HPSE2: variants seen among roughly 807,000 people sequenced by gnomAD.
HPSE2 encodes the protein inactive heparanase-2.
HPSE2 carries 38 observed loss-of-function variants against 60.5 expected under a neutral mutation model. The ratio of observed to expected loss-of-function variants is 0.63; its 90% CI spans 0.48 to 0.82. HPSE2 has a LOEUF of 0.82. Ranked by LOEUF, HPSE2 falls within the 40% of genes least tolerant of loss-of-function variation. The pLI, the probability that HPSE2 is intolerant of heterozygous loss-of-function variation, is 0.00. For missense variants in HPSE2, 713 were observed against 740.4 expected (o/e 0.96, Z 0.43); for synonymous variants, 295 against 293.2 (o/e 1.01, Z -0.06).
chr10:99,296,355 G>GC, the HPSE2 span, among the ~76,000 whole-genome samples: 16 of 152,174 alleles, frequency 1.1e-4, no homozygotes, highest in Middle Eastern at 3.4e-3. Context: ...TCAATCAGAT[G>GC]CCCCCCCAAC....
rs1209249100 is a variant in HPSE2 at position 98,700,898 on chromosome 10, A to G, written c.957-6951T>C. On this transcript the variant is annotated intron_variant, in intron 5 of 11. Transcript: ENST00000370552. The stretch of plus-strand genomic sequence containing the variant: ...AAAAACACATGAAAAAATGCTCACC[A>G]TCACTGGCCATCAGAGAAATGCAAA... Among the ~76,000 whole-genome samples the G allele has an allele frequency of 3.2e-4, 21 of 66,426 alleles. 7 individuals are homozygous for G. The highest frequency in any genetic ancestry group is 6.9e-4 in the African/African-American group (21 of 30,384). The allele number at this position is 66,426 out of a possible 152,430, so 43.6% of individuals were successfully genotyped here.
At chr10:98,629,278 C>G (rs1174270745) in intron 7 of HPSE2, among the ~76,000 whole-genome samples, 1 of 152,196 alleles carries the variant, frequency 6.6e-6, no homozygotes, top group Non-Finnish European at 1.5e-5. Context: ...TCAACCTTCC[C>G]CAGAATTTCA....
At chr10:98,616,578 T>A (rs898737586) in intron 8 of HPSE2, among the ~76,000 whole-genome samples, 1 of 152,210 alleles carries the variant, frequency 6.6e-6, no homozygotes, top group Non-Finnish European at 1.5e-5. Context: ...TAAATATTAT[T>A]CCTATATTTA....
chr10:99,313,986 T>C, the HPSE2 span, among the ~76,000 whole-genome samples: 3 of 152,056 alleles, frequency 2.0e-5, no homozygotes, highest in African/African-American at 7.2e-5. Flanking sequence ...TTTAAGTGAA[T>C]AGAAGCAAAC....
At chr10:98,952,704 G>A (rs1005781768) in intron 3 of HPSE2, among the ~76,000 whole-genome samples, 1 of 152,102 alleles carries the variant, frequency 6.6e-6, no homozygotes, top group Non-Finnish European at 1.5e-5. Flanking sequence ...TCCAAGACCA[G>A]GGTGCTAGTA....
intron 3 of HPSE2, among the ~76,000 whole-genome samples, chr10:99,137,484 C>A (rs1845702748): frequency 6.6e-6 from 1 of 152,200 alleles, no homozygotes; most frequent in Non-Finnish European, 1.5e-5. Context: ...TGCTACCTGA[C>A]TTCAAATTAT....
rs564388230 is a variant in HPSE2 at position 98,505,830 on chromosome 10, C to T, written c.1321-15634G>A. Among the ~76,000 whole-genome samples the T allele has an allele frequency of 9.9e-4, 150 of 152,252 alleles. No homozygotes were observed. In the Middle Eastern group the frequency reaches 0.014, roughly 14 times the overall value. On this transcript the variant is annotated intron_variant, in intron 9 of 11. Transcript: ENST00000370552. ...AATGCCCCGTGTCCTGTATTAAACTCCCACATATTCATGAGTCTGTTTCTG... is the reference window on the plus strand; with the variant it reads ...AATGCCCCGTGTCCTGTATTAAACTTCCACATATTCATGAGTCTGTTTCTG...
chr10:98,662,137 C>T (rs1035015548), intron 6 of HPSE2, among the ~76,000 whole-genome samples: 3 of 152,166 alleles, frequency 2.0e-5, no homozygotes, highest in Non-Finnish European at 4.4e-5. Flanking sequence ...TCATGATCTG[C>T]CCGCCTCGGC....
At chr10:98,604,255 C>A (rs1271187562) in intron 9 of HPSE2, among the ~76,000 whole-genome samples, 5 of 150,768 alleles carry the variant, frequency 3.3e-5, no homozygotes, top group Non-Finnish European at 7.4e-5. Flanking sequence ...AAATAGTATG[C>A]AAAAGCAGAT....
At chr10:98,824,630 A>C (rs1359462209) in intron 3 of HPSE2, among the ~76,000 whole-genome samples, 2 of 152,192 alleles carry the variant, frequency 1.3e-5, no homozygotes, top group Non-Finnish European at 2.9e-5. Flanking sequence ...ACCTGGAGAA[A>C]GATTTAGTTA....
intron 2 of HPSE2, among the ~76,000 whole-genome samples, chr10:99,185,559 G>A (rs549138336): frequency 2.0e-5 from 3 of 152,170 alleles, no homozygotes; most frequent in Admixed American, 1.3e-4. Context: ...CAGATCACGA[G>A]GTCAGGAGAT....
At chr10:99,004,963 T>C (rs1589501671) in intron 3 of HPSE2, among the ~76,000 whole-genome samples, 1 of 152,174 alleles carries the variant, frequency 6.6e-6, no homozygotes, top group East Asian at 1.9e-4. Flanking sequence ...ACTTTGAATA[T>C]ACCATTCCAC....
rs529656249 is a variant in HPSE2 at position 98,810,021 on chromosome 10, G to A, written c.611-65965C>T. ...CATAATTTTTTGTAAAATCATGATC[G>A]AAGTCAATTTGTATATTTCTGCTTT... On this transcript the variant is annotated intron_variant, in intron 3 of 11. Coordinates refer to ENST00000370552, the MANE Select transcript of HPSE2 (RefSeq NM_021828.5). Among the ~76,000 whole-genome samples, 13 of 152,060 alleles carry A rather than the reference G, an allele frequency of 8.5e-5. No homozygotes were observed. The South Asian group carries it at 1.7e-3, about 19-fold the overall frequency.
At chr10:98,904,849 A>G (rs939592589) in intron 3 of HPSE2, among the ~76,000 whole-genome samples, 1 of 152,248 alleles carries the variant, frequency 6.6e-6, no homozygotes, top group African/African-American at 2.4e-5. Flanking sequence ...AATTGTCTGG[A>G]CAAACAATTT....
At chr10:98,707,629 T>G (rs1948579789) in intron 5 of HPSE2, among the ~76,000 whole-genome samples, 1 of 152,178 alleles carries the variant, frequency 6.6e-6, no homozygotes. Context: ...AGAAAATCCA[T>G]AATATCTATA....
chr10:98,602,011 A>G (rs191127307), intron 9 of HPSE2, among the ~76,000 whole-genome samples: 7 of 152,246 alleles, frequency 4.6e-5, no homozygotes, highest in Admixed American at 3.9e-4. Flanking sequence ...TGACTTTCTG[A>G]AAGAGGAAGG....
At chr10:98,695,075 C>T (rs909635510) in intron 5 of HPSE2, among the ~76,000 whole-genome samples, 5 of 152,196 alleles carry the variant, frequency 3.3e-5, no homozygotes, top group African/African-American at 1.2e-4. Context: ...ATTGCCTAAA[C>T]AGAGGCTCTG....
intron 9 of HPSE2, among the ~76,000 whole-genome samples, chr10:98,521,984 G>C (rs968887729): frequency 1.3e-5 from 2 of 152,192 alleles, no homozygotes; most frequent in East Asian, 3.9e-4. Context: ...GGCCTGTCAG[G>C]GGGTGTGGGG....
At chr10:99,149,106 C>T (rs1394029668) in intron 2 of HPSE2, among the ~76,000 whole-genome samples, 2 of 152,110 alleles carry the variant, frequency 1.3e-5, no homozygotes, top group Admixed American at 1.3e-4. Flanking sequence ...GACTTGCTTT[C>T]TCATACAGAA....
Sources: allele counts gnomAD v4.1 joint callset (sites outside exome capture counted in the v4.1 genomes callset), GRCh38; gene constraint gnomAD v4.1.1; transcripts MANE v1.5; gene names NCBI Gene and HGNC (gene_info 2026-07-23, HGNC 2026-07-21).